ZNF644: variants seen among roughly 807,000 people sequenced by gnomAD.
The protein encoded by ZNF644 is zinc finger motif enhancer binding protein 2.
ZNF644 carries 20 observed loss-of-function variants against 108.0 expected under a neutral mutation model. That is an observed-to-expected ratio of 0.19 (90% CI 0.13 to 0.27). The LOEUF (loss-of-function observed/expected upper bound fraction) is 0.27, where lower values mean the gene tolerates loss of function less well. Among genes scored for constraint, ZNF644 ranks in the 10% least tolerant of loss-of-function variants. ZNF644 has a pLI of 1.00. For synonymous variants in ZNF644, 542 were observed against 539.1 expected (o/e 1.01, Z -0.08); for missense variants, 1,338 against 1,548.9 (o/e 0.86, Z 2.29).
intron 1 of ZNF644, among the ~76,000 whole-genome samples, chr1:91,002,400 A>G (rs996427161): frequency 4.6e-5 from 7 of 152,212 alleles, no homozygotes; most frequent in Admixed American, 1.3e-4. Flanking sequence ...CTGATCTTTG[A>G]CAAACCTGAG....
chr1:91,012,190 G>A (rs1307065247), intron 1 of ZNF644, among the ~76,000 whole-genome samples: 1 of 151,966 alleles, frequency 6.6e-6, no homozygotes, highest in Non-Finnish European at 1.5e-5. Context: ...CAGAAGAAAA[G>A]AGAGATGGAT....
At chr1:91,013,451 T>TCA (rs10590932) in intron 1 of ZNF644, among the ~76,000 whole-genome samples, 4,629 of 140,082 alleles carry the variant, frequency 0.033, 90 homozygotes, top group East Asian at 0.084. Context: ...AATCTCTCTC[T>TCA]CACACACACA....
At chr1:90,956,087 C>A (rs901484489) in intron 2 of ZNF644, among the ~76,000 whole-genome samples, 2 of 152,056 alleles carry the variant, frequency 1.3e-5, no homozygotes, top group African/African-American at 2.4e-5. Flanking sequence ...GAGAGACAGG[C>A]AAGGAAGGGC....
intron 1 of ZNF644, among the ~76,000 whole-genome samples, chr1:91,000,728 A>C (rs1658683003): frequency 6.6e-6 from 1 of 152,234 alleles, no homozygotes; most frequent in Non-Finnish European, 1.5e-5. Flanking sequence ...CCCTTCAAAA[A>C]AATCAATGAA....
At chr1:90,993,590 T>C (rs1026081425) in intron 1 of ZNF644, among the ~76,000 whole-genome samples, 20 of 152,198 alleles carry the variant, frequency 1.3e-4, no homozygotes, top group African/African-American at 4.6e-4. Context: ...TTCTTAGCCC[T>C]AGGAGTTATT....
intron 1 of ZNF644, among the ~76,000 whole-genome samples, chr1:91,000,543 G>A (rs1468796156): frequency 6.6e-6 from 1 of 152,158 alleles, no homozygotes; most frequent in East Asian, 1.9e-4. Context: ...AAAGCAGTGT[G>A]TAGAGGGAAA....
intron 1 of ZNF644, among the ~76,000 whole-genome samples, chr1:91,001,760 A>G (rs1417978286): frequency 1.3e-5 from 2 of 152,350 alleles, no homozygotes; most frequent in Middle Eastern, 3.4e-3. Context: ...CTGTTTGCAG[A>G]TGACATGATT....
chr1:90,999,381 A>C (rs1658517847), intron 1 of ZNF644, among the ~76,000 whole-genome samples: 3 of 152,210 alleles, frequency 2.0e-5, no homozygotes, highest in South Asian at 4.1e-4. Context: ...GAGTGGTGGC[A>C]AATATTCAAC....
chr1:90,982,205 T>A, intron 2 of ZNF644, 105 bp downstream of exon 2: 1 of 944,012 alleles, frequency 1.1e-6, no homozygotes, highest in Non-Finnish European at 1.6e-6. Flanking sequence ...AAATTTTATT[T>A]AAAAACTCTT....
At chr1:91,013,500 C>G (rs1570587513) in intron 1 of ZNF644, among the ~76,000 whole-genome samples, 1 of 151,210 alleles carries the variant, frequency 6.6e-6, no homozygotes, top group East Asian at 1.9e-4. Flanking sequence ...CACACACACA[C>G]ATATACACAC....
intron 2 of ZNF644, among the ~76,000 whole-genome samples, chr1:90,948,997 A>G (rs1166632002): frequency 2.0e-5 from 3 of 152,148 alleles, no homozygotes. Flanking sequence ...TATAAAATTA[A>G]AGTCTAATGA....
At chr1:90,956,163 A>G (rs527296279) in intron 2 of ZNF644, among the ~76,000 whole-genome samples, 4 of 152,342 alleles carry the variant, frequency 2.6e-5, no homozygotes, top group Non-Finnish European at 5.9e-5. Flanking sequence ...TGGATTGGGC[A>G]TGGTTTGTGG....
intron 1 of ZNF644, among the ~76,000 whole-genome samples, chr1:91,003,710 AGAAG>A (rs1174022368): frequency 1.3e-5 from 2 of 152,118 alleles, no homozygotes; most frequent in Non-Finnish European, 2.9e-5. Flanking sequence ...AAAGAAAAAA[AGAAG>A]GAAGTATGGT....
At chr1:90,966,157 CT>C (rs1378961370) in intron 2 of ZNF644, among the ~76,000 whole-genome samples, 1 of 152,140 alleles carries the variant, frequency 6.6e-6, no homozygotes, top group African/African-American at 2.4e-5. Context: ...TCCAAATATA[CT>C]TACGGATCAT....
At chr1:90,948,120 T>C (rs1392460298) in intron 2 of ZNF644, among the ~76,000 whole-genome samples, 4 of 152,152 alleles carry the variant, frequency 2.6e-5, no homozygotes, top group African/African-American at 9.7e-5. Flanking sequence ...TTCAAAAAAC[T>C]GCTATACCTA....
chr1:90,961,452 C>A lies in ZNF644; in HGVS notation c.45-20143G>T, dbSNP rs373278533. ...ACCTTATTAGAGGATCTTCAATAAA[C>A]AAAACTATTTTCATAATAATACTAA... is the stretch of plus-strand genomic sequence containing the variant. On this transcript the variant is annotated intron_variant, in intron 2 of 5. Coordinates refer to ENST00000337393, the MANE Select transcript of ZNF644 (RefSeq NM_201269.3). Among the ~76,000 whole-genome samples, 5 of 152,204 alleles carry A rather than the reference C, an allele frequency of 3.3e-5. No homozygotes were observed. In the East Asian group the frequency reaches 9.6e-4, roughly 29 times the overall value.
chr1:90,993,458 T>C (rs577716076), intron 1 of ZNF644, among the ~76,000 whole-genome samples: 1 of 152,196 alleles, frequency 6.6e-6, no homozygotes, highest in Non-Finnish European at 1.5e-5. Context: ...CCTGGCTGAC[T>C]CACAGACTTG....
At chr1:90,929,534 A>C (rs1553146211) in intron 4 of ZNF644, among the ~76,000 whole-genome samples, 1 of 152,208 alleles carries the variant, frequency 6.6e-6, no homozygotes, top group Non-Finnish European at 1.5e-5. Context: ...GAAAACATGC[A>C]ATTTTTCAAA....
Position 90,971,736 on chromosome 1 carries a change from G to C in ZNF644, c.44+10574C>G, listed in dbSNP as rs138029532. Reference sequence around the variant, plus strand: ...CAGGGCAAGAAAAGCCCACTTCTACGTAACATTGTACTAGAATTCCTAGCC... The same window carrying C: ...CAGGGCAAGAAAAGCCCACTTCTACCTAACATTGTACTAGAATTCCTAGCC... On this transcript the variant is annotated intron_variant, in intron 2 of 5. Coordinates refer to ENST00000337393, the MANE Select transcript of ZNF644 (RefSeq NM_201269.3). Among the ~76,000 whole-genome samples, 91 of 152,134 alleles carry C rather than the reference G, an allele frequency of 6.0e-4. 1 individual carries two copies. Among genetic ancestry groups the C allele is most frequent in the African/African-American group, 2.1e-3 (89 of 41,522 alleles).
Sources: allele counts gnomAD v4.1 joint callset (sites outside exome capture counted in the v4.1 genomes callset), GRCh38; gene constraint gnomAD v4.1.1; transcripts MANE v1.5; gene names NCBI Gene and HGNC (gene_info 2026-07-23, HGNC 2026-07-21).